The following STPG2 variants were observed in gnomAD, a reference collection of about 807,000 sequenced individuals.
STPG2 encodes sperm-tail PG-rich repeat-containing protein 2.
Under a neutral mutation model 54.2 loss-of-function variants are expected in STPG2, and 56 were observed. That is an observed-to-expected ratio of 1.03 (90% CI 0.83 to 1.29). The LOEUF is 1.29. STPG2 is among the 50% of genes most tolerant of loss of function. STPG2 has a pLI of 0.00. For synonymous variants in STPG2, 200 were observed against 181.8 expected, an observed-to-expected ratio of 1.10 and a Z score of -0.81; for missense variants, 596 against 544.9, an observed-to-expected ratio of 1.09 and a Z score of -0.93.
At chr4:97,724,979 A>G (rs965807617) in intron 9 of STPG2, among the ~76,000 whole-genome samples, 2 of 152,126 alleles carry the variant, frequency 1.3e-5, no homozygotes, top group African/African-American at 2.4e-5. Context: ...CACTGCTCCC[A>G]GAACTCTTCT....
intron 8 of STPG2, among the ~76,000 whole-genome samples, chr4:97,919,486 A>G (rs1010792887): frequency 2.0e-5 from 3 of 151,902 alleles, no homozygotes; most frequent in Admixed American, 6.6e-5. Context: ...ATCAAAGGGA[A>G]AAGAGGGAAC....
chr4:97,702,427 CT>C (rs1723806623), intron 10 of STPG2, among the ~76,000 whole-genome samples: 1 of 152,112 alleles, frequency 6.6e-6, no homozygotes. Context: ...TGTAACACAC[CT>C]TCTCATGGGT....
intron 5 of STPG2, among the ~76,000 whole-genome samples, chr4:97,981,648 T>TA (rs995085025): frequency 6.6e-5 from 10 of 151,484 alleles, no homozygotes; most frequent in African/African-American, 2.2e-4. Context: ...TTAATATAAA[T>TA]AAAAAACTAT....
chr4:97,951,698 T>C (rs1367008014), intron 7 of STPG2, among the ~76,000 whole-genome samples: 1 of 152,128 alleles, frequency 6.6e-6, no homozygotes, highest in Non-Finnish European at 1.5e-5. Flanking sequence ...CCTACGGAGT[T>C]GGAATAGCAG....
intron 10 of STPG2, among the ~76,000 whole-genome samples, chr4:97,561,605 A>G (rs937907206): frequency 6.6e-6 from 1 of 152,192 alleles, no homozygotes; most frequent in African/African-American, 2.4e-5. Context: ...TCTTTAATCC[A>G]TCTTGAATTA....
At chr4:97,829,081 A>C (rs541728564) in intron 9 of STPG2, among the ~76,000 whole-genome samples, 3 of 152,160 alleles carry the variant, frequency 2.0e-5, no homozygotes, top group Non-Finnish European at 4.4e-5. Flanking sequence ...TGACTGGGAG[A>C]CATCTCCGAG....
At chr4:97,861,511 A>C (rs1038280302) in intron 8 of STPG2, among the ~76,000 whole-genome samples, 4 of 152,168 alleles carry the variant, frequency 2.6e-5, no homozygotes, top group Non-Finnish European at 5.9e-5. Flanking sequence ...CCATGTAACC[A>C]AAAGAAAAGA....
chr4:98,132,948 T>TAA (rs200375140), intron 2 of STPG2, among the ~76,000 whole-genome samples: 72 of 101,564 alleles, frequency 7.1e-4, no homozygotes, highest in African/African-American at 2.2e-3. Context: ...TGAAATGAAC[T>TAA]AAAAAAAAAA....
At chr4:97,818,715 C>G (rs1727993063) in intron 9 of STPG2, among the ~76,000 whole-genome samples, 1 of 151,712 alleles carries the variant, frequency 6.6e-6, no homozygotes, top group South Asian at 2.1e-4. Context: ...TTTTCTCCTC[C>G]CCACTCCACC....
chr4:97,790,246 A>G (rs993839837), intron 9 of STPG2, among the ~76,000 whole-genome samples: 1 of 152,172 alleles, frequency 6.6e-6, no homozygotes, highest in Admixed American at 6.5e-5. Context: ...TTGCATGATG[A>G]GATTTTTGCC....
chr4:98,014,802 T>C (rs1735879537), intron 5 of STPG2, among the ~76,000 whole-genome samples: 1 of 152,190 alleles, frequency 6.6e-6, no homozygotes, highest in South Asian at 2.1e-4. Context: ...ATAGTGGTGA[T>C]GAACTCCCAT....
At chr4:97,656,051 T>C (rs1480334202) in intron 10 of STPG2, among the ~76,000 whole-genome samples, 2 of 152,140 alleles carry the variant, frequency 1.3e-5, no homozygotes, top group African/African-American at 4.8e-5. Flanking sequence ...AGCAACCATG[T>C]AATATTAACA....
At chr4:97,723,749 G>A (rs1724531689) in intron 9 of STPG2, among the ~76,000 whole-genome samples, 2 of 152,160 alleles carry the variant, frequency 1.3e-5, no homozygotes, top group African/African-American at 4.8e-5. Flanking sequence ...AGGCATGGTG[G>A]AAGGTGAAAG....
chr4:98,007,555 A>G (rs1353635560), intron 5 of STPG2, among the ~76,000 whole-genome samples: 1 of 152,186 alleles, frequency 6.6e-6, no homozygotes, highest in Non-Finnish European at 1.5e-5. Flanking sequence ...GAAAAAGCAG[A>G]GTGTTATGAC....
intron 7 of STPG2, among the ~76,000 whole-genome samples, chr4:97,960,127 G>C (rs1022008909): frequency 6.6e-6 from 1 of 152,088 alleles, no homozygotes; most frequent in Admixed American, 6.5e-5. Context: ...TGCAGAAAAA[G>C]CATTTGACAA....
intron 10 of STPG2, among the ~76,000 whole-genome samples, chr4:97,589,893 C>T (rs1733093428): frequency 1.3e-5 from 2 of 152,116 alleles, no homozygotes; most frequent in South Asian, 4.1e-4. Flanking sequence ...AAGATGTTAT[C>T]CAAGTTTGTA....
chr4:97,472,773 T>C (rs577357437), intron 4 of STPG2, among the ~76,000 whole-genome samples: 4 of 152,160 alleles, frequency 2.6e-5, no homozygotes, highest in African/African-American at 4.8e-5. Context: ...TCATCCTATA[T>C]GTCATTCTGG....
intron 9 of STPG2, among the ~76,000 whole-genome samples, chr4:97,727,780 T>G (rs778233377): frequency 1.3e-5 from 2 of 151,678 alleles, no homozygotes; most frequent in African/African-American, 4.8e-5. Flanking sequence ...AATTTAAAAA[T>G]TTTTGATTTC....
chr4:97,625,522 T>C (rs7676966), intron 10 of STPG2, among the ~76,000 whole-genome samples: 20,745 of 152,010 alleles, frequency 0.14, 4,125 homozygotes, highest in African/African-American at 0.44. Context: ...ACCATATTGG[T>C]CAGGCTGGTC....
Sources: gnomAD v4.1 joint callset for allele counts (sites outside exome capture counted in the v4.1 genomes callset) on GRCh38, gnomAD v4.1.1 for gene constraint, MANE v1.5 for transcripts, NCBI Gene and HGNC (gene_info 2026-07-23, HGNC 2026-07-21) for gene names.